The following MSRA variants were observed in gnomAD, a reference collection of about 807,000 sequenced individuals.
The protein encoded by MSRA is mitochondrial peptide methionine sulfoxide reductase.
Under a neutral mutation model 31.3 loss-of-function variants are expected in MSRA, and 54 were observed. That is an observed-to-expected ratio of 1.73 (90% CI 1.39 to 2.17). MSRA has a LOEUF of 2.17. Ranked by LOEUF, MSRA falls within the 30% of genes most tolerant of loss-of-function variation. The probability of loss-of-function intolerance (pLI) is 0.00; values close to 1 mark genes in which losing one functional copy is unlikely to be tolerated. For synonymous variants in MSRA, 169 were observed against 116.5 expected, an observed-to-expected ratio of 1.45 and a Z score of -2.90; for missense variants, 507 against 300.9, an observed-to-expected ratio of 1.69 and a Z score of -5.07.
intron 1 of MSRA, among the ~76,000 whole-genome samples, chr8:10,062,470 T>A (rs1797252325): frequency 6.6e-6 from 1 of 152,212 alleles, no homozygotes; most frequent in Admixed American, 6.5e-5. Flanking sequence ...AGGGCAGGAA[T>A]TGACTTACTC....
chr8:10,174,746 C>T (rs532624608), intron 1 of MSRA, among the ~76,000 whole-genome samples: 7 of 152,324 alleles, frequency 4.6e-5, no homozygotes, highest in Non-Finnish European at 7.3e-5. Context: ...TCCGGCTCAG[C>T]GTGCTGCACT....
At chr8:10,091,017 C>T (rs375162631) in intron 1 of MSRA, among the ~76,000 whole-genome samples, 4 of 152,178 alleles carry the variant, frequency 2.6e-5, no homozygotes, top group Non-Finnish European at 5.9e-5. Flanking sequence ...TTGTCAAATC[C>T]TTTTCTGTGT....
chr8:10,253,822 AT>A lies in MSRA; in HGVS notation c.331+8604del, dbSNP rs564641371. Among the ~76,000 whole-genome samples, 159 of 152,276 alleles carry A rather than the reference AT, an allele frequency of 1.0e-3. 1 individual carries two copies. Among genetic ancestry groups the A allele is most frequent in the Middle Eastern group, 6.8e-3 (2 of 292 alleles). Reference sequence around the variant, plus strand: ...CTTAATTACTTCATAATGACTGACAATTTTTAGAGCCTTAGAATAAAGGTTT... The same window carrying A: ...CTTAATTACTTCATAATGACTGACAATTTTAGAGCCTTAGAATAAAGGTTT... On this transcript the variant is annotated intron_variant, in intron 3 of 5. Transcript: ENST00000317173.
At chr8:10,258,555 C>T (rs1008723170) in intron 3 of MSRA, among the ~76,000 whole-genome samples, 3 of 152,234 alleles carry the variant, frequency 2.0e-5, no homozygotes, top group South Asian at 2.1e-4. Flanking sequence ...TAAATAAGGC[C>T]GTGTCTGAGG....
chr8:10,416,213 C>T (rs375893548), intron 5 of MSRA, among the ~76,000 whole-genome samples: 1 of 152,178 alleles, frequency 6.6e-6, no homozygotes, highest in East Asian at 1.9e-4. Flanking sequence ...TCCCTGTGTT[C>T]CTCGTGCCTA....
At chr8:10,243,357 C>G (rs1276654823) in intron 2 of MSRA, among the ~76,000 whole-genome samples, 2 of 152,140 alleles carry the variant, frequency 1.3e-5, no homozygotes, top group Non-Finnish European at 2.9e-5. Context: ...TACAGCTTGT[C>G]CTTTTCCAGA....
intron 2 of MSRA, among the ~76,000 whole-genome samples, chr8:10,226,666 A>G (rs1275155985): frequency 6.6e-6 from 1 of 152,256 alleles, no homozygotes; most frequent in African/African-American, 2.4e-5. Context: ...CTCTTCGGCA[A>G]ACTGGGTGCC....
chr8:10,202,905 T>G (rs1168830945), intron 1 of MSRA, among the ~76,000 whole-genome samples: 1 of 152,030 alleles, frequency 6.6e-6, no homozygotes, highest in African/African-American at 2.4e-5. Context: ...GCCAAGATCA[T>G]ATGGGTAGGA....
chr8:10,420,438 A>C (rs1164353517), intron 5 of MSRA, among the ~76,000 whole-genome samples: 1 of 152,114 alleles, frequency 6.6e-6, no homozygotes, highest in East Asian at 1.9e-4. Flanking sequence ...ATAACAAACT[A>C]CCCCAAAACT....
At chr8:10,299,247 A>G (rs1453613913) in intron 3 of MSRA, among the ~76,000 whole-genome samples, 1 of 152,022 alleles carries the variant, frequency 6.6e-6, no homozygotes, top group Non-Finnish European at 1.5e-5. Flanking sequence ...TTTTGCTTAT[A>G]TTTTAGTGTG....
intron 1 of MSRA, among the ~76,000 whole-genome samples, chr8:10,080,507 G>A (rs1161847852): frequency 6.6e-6 from 1 of 151,908 alleles, no homozygotes; most frequent in Non-Finnish European, 1.5e-5. Flanking sequence ...TTCTGTGTCA[G>A]CCTGCAGCTG....
rs563671039 is a variant in MSRA at position 10,295,723 on chromosome 8, A to T, written c.332-5811A>T. Among the ~76,000 whole-genome samples, 4 of 152,104 alleles carry T rather than the reference A, an allele frequency of 2.6e-5. No individual in the cohort carries two copies. The East Asian group carries it at 5.8e-4, about 22-fold the overall frequency. ...TGTGGTCACTTGGCACCCCCTGGAG[A>T]GGTGGACTTGTACTCTGGATCTGCA... On this transcript the variant is annotated intron_variant, in intron 3 of 5. Coordinates refer to ENST00000317173, the MANE Select transcript of MSRA (RefSeq NM_012331.5).
chr8:10,111,346 T>A (rs929687640), intron 1 of MSRA, among the ~76,000 whole-genome samples: 1 of 152,116 alleles, frequency 6.6e-6, no homozygotes, highest in Non-Finnish European at 1.5e-5. Context: ...CCTCCCTCAT[T>A]GAGATGCTAC....
chr8:10,358,031 T>A (rs1436539987), intron 5 of MSRA, among the ~76,000 whole-genome samples: 1 of 152,238 alleles, frequency 6.6e-6, no homozygotes, highest in African/African-American at 2.4e-5. Flanking sequence ...CAAGCAATTC[T>A]CTTGCCTCAG....
intron 5 of MSRA, among the ~76,000 whole-genome samples, chr8:10,388,901 G>T (rs1027336136): frequency 6.6e-6 from 1 of 151,772 alleles, no homozygotes; most frequent in Admixed American, 6.6e-5. Flanking sequence ...GGCAACTAAA[G>T]ATGTCCCCTG....
At chr8:10,206,287 C>G (rs1329724933) in intron 1 of MSRA, among the ~76,000 whole-genome samples, 1 of 152,208 alleles carries the variant, frequency 6.6e-6, no homozygotes, top group Admixed American at 6.5e-5. Flanking sequence ...CATCACACAG[C>G]TGGGACCTTC....
chr8:10,280,168 G>T (rs187743410), intron 3 of MSRA, among the ~76,000 whole-genome samples: 1 of 151,770 alleles, frequency 6.6e-6, no homozygotes, highest in Admixed American at 6.6e-5. Flanking sequence ...CCTTTTATTT[G>T]TGATATAATT....
intron 1 of MSRA, among the ~76,000 whole-genome samples, chr8:10,127,687 T>A (rs1345978547): frequency 6.6e-6 from 1 of 152,208 alleles, no homozygotes; most frequent in Non-Finnish European, 1.5e-5. Flanking sequence ...TATTTATGGA[T>A]AAAAGAGAAT....
chr8:10,323,118 G>C (rs1256898849), intron 5 of MSRA, among the ~76,000 whole-genome samples: 1 of 148,526 alleles, frequency 6.7e-6, no homozygotes, highest in Non-Finnish European at 1.5e-5. Context: ...ATGCAGAAGA[G>C]AGGGCTTAGT....
Sources: allele counts gnomAD v4.1 joint callset (sites outside exome capture counted in the v4.1 genomes callset), GRCh38; gene constraint gnomAD v4.1.1; transcripts MANE v1.5; gene names NCBI Gene and HGNC (gene_info 2026-07-23, HGNC 2026-07-21).